The following ASAP2 variants were observed in gnomAD, a reference collection of about 807,000 sequenced individuals.
ASAP2 encodes ArfGAP with SH3 domain, ankyrin repeat and PH domain 2.
Under a neutral mutation model 131.4 loss-of-function variants are expected in ASAP2, and 45 were observed. The ratio of observed to expected loss-of-function variants is 0.34; its 90% CI spans 0.27 to 0.44. The LOEUF (loss-of-function observed/expected upper bound fraction) is 0.44, where lower values mean the gene tolerates loss of function less well. Among genes scored for constraint, ASAP2 ranks in the 20% least tolerant of loss-of-function variants. The pLI, the probability that ASAP2 is intolerant of heterozygous loss-of-function variation, is 1.00. For synonymous variants in ASAP2, 510 were observed against 503.0 expected (o/e 1.01, Z -0.19); for missense variants, 1,011 against 1,297.0 (o/e 0.78, Z 3.39).
At chr2:9,399,692 A>T (rs1676461847) in intron 24 of ASAP2, 1 of 382,982 alleles carries the variant, frequency 2.6e-6, no homozygotes, top group Admixed American at 4.1e-5. Flanking sequence ...ATGTGATGGG[A>T]CCAAGGCAGG....
rs147099687 is a variant in ASAP2, at chr2:9,355,530, T to C, written c.1112-517T>C. Among the ~76,000 whole-genome samples, 1,191 of 152,280 alleles carry C rather than the reference T, an allele frequency of 7.8e-3. 13 individuals are homozygous for C. Among genetic ancestry groups the C allele is most frequent in the African/African-American group, 0.027 (1,111 of 41,550 alleles). ...TAAAACTGTGCTGACACCAGCAGTATGTAAGTGTAGGATTTTATATTCGAC... is the reference window on the plus strand; with the variant it reads ...TAAAACTGTGCTGACACCAGCAGTACGTAAGTGTAGGATTTTATATTCGAC... On this transcript the variant is annotated intron_variant, in intron 12 of 27. Coordinates refer to ENST00000281419, the MANE Select transcript of ASAP2 (RefSeq NM_003887.3).
intron 1 of ASAP2, among the ~76,000 whole-genome samples, chr2:9,229,882 G>A (rs1257959898): frequency 6.6e-6 from 1 of 152,140 alleles, no homozygotes; most frequent in Middle Eastern, 3.2e-3. Context: ...GGCTGTTGGG[G>A]GCATTTGTGG....
intron 2 of ASAP2, among the ~76,000 whole-genome samples, chr2:9,284,389 A>G (rs1343363136): frequency 6.6e-6 from 1 of 152,182 alleles, no homozygotes; most frequent in Non-Finnish European, 1.5e-5. Context: ...TTCTCAGTTA[A>G]TTAGAAGCCC....
At chr2:9,305,555 T>G (rs1668849599) in intron 3 of ASAP2, among the ~76,000 whole-genome samples, 1 of 141,326 alleles carries the variant, frequency 7.1e-6, no homozygotes, top group African/African-American at 2.7e-5. Context: ...GTACAGATAT[T>G]GGTGGAGGGG....
chr2:9,357,105 TA>T lies in ASAP2; in HGVS notation c.1327+762del, dbSNP rs112016986. ...CTTAAAAAACCAAACACAACCAAAA[TA>T]AGAGTGGACAGTTGAGAATTACCTT... On this transcript the variant is annotated intron_variant, in intron 14 of 27. Transcript: ENST00000281419. 6.7e-3 allele frequency among the ~76,000 whole-genome samples: 1,005 copies of T among 150,914 alleles called. 11 individuals carry two copies. Among genetic ancestry groups the T allele is most frequent in the African/African-American group, 0.023 (952 of 41,014 alleles).
Position 9,335,138 on chromosome 2 carries a change from C to T in ASAP2, c.808C>T (p.Arg270Ter). 6.2e-7 allele frequency: 1 copy of T among 1,614,012 alleles called. No individual in the cohort carries two copies. The highest frequency in any genetic ancestry group is 8.5e-7 in the Non-Finnish European group (1 of 1,180,016). ...AGAAAGAAGGCAGTTGATACAGCTT[C>T]GAGATATTTTGAAATCCGCATTGCA... ...DEERRQLIQL[R>*]DILKSALQVE... is the part of the protein sequence containing the mutation. Residue 270 changes from arginine to a stop codon, truncating the protein, a stop_gained, in exon 9 of 28, where the codon CGA becomes TGA. Transcript: ENST00000281419. LOFTEE classifies it high-confidence loss of function.
intron 15 of ASAP2, among the ~76,000 whole-genome samples, chr2:9,364,816 G>A (rs185718950): frequency 3.9e-4 from 60 of 152,236 alleles, no homozygotes; most frequent in African/African-American, 1.4e-3. Flanking sequence ...GGTCATTTAC[G>A]GAGGAACTGT....
chr2:9,224,180 G>A (rs1440048999), intron 1 of ASAP2, among the ~76,000 whole-genome samples: 1 of 152,126 alleles, frequency 6.6e-6, no homozygotes, highest in Non-Finnish European at 1.5e-5. Context: ...TGCGAGGGAA[G>A]GGAGGATTGC....
intron 18 of ASAP2, among the ~76,000 whole-genome samples, chr2:9,378,027 C>T (rs976219952): frequency 6.6e-6 from 1 of 152,132 alleles, no homozygotes; most frequent in East Asian, 1.9e-4. Flanking sequence ...GTCCCAGTTT[C>T]TTTTTTTCCA....
intron 1 of ASAP2, among the ~76,000 whole-genome samples, chr2:9,245,691 G>C (rs1039738072): frequency 6.6e-6 from 1 of 152,180 alleles, no homozygotes; most frequent in African/African-American, 2.4e-5. Flanking sequence ...TGGGCCTGGG[G>C]GCGCTTGCAG....
At position 9,380,989 on chromosome 2, in the gene ASAP2, C is replaced by T. The variant is rs544479606; in HGVS notation, c.2016+181C>T. ...GTATGCTAGGGAGTCTACAGGGAAA[C>T]CTAGGGGGACCCACCCCTCGCAGTG... is the stretch of plus-strand genomic sequence containing the variant. On this transcript the variant is annotated intron_variant, in intron 20 of 27. Transcript: ENST00000281419. Among the ~76,000 whole-genome samples the T allele has an allele frequency of 5.8e-4, 89 of 152,268 alleles. 4 individuals carry two copies. The South Asian group carries it at 0.018, about 31-fold the overall frequency.
In ASAP2 at chr2:9,237,453, C is replaced by T. The variant is rs150343883; in HGVS notation, c.126+30223C>T. The stretch of plus-strand genomic sequence containing the variant: ...TTTTGACAGATTCTTGCTTTGTTGC[C>T]CAGGCTGGGATGCAGTGGCATGATC... On this transcript the variant is annotated intron_variant, in intron 1 of 27. Transcript: ENST00000281419. Among the ~76,000 whole-genome samples, 554 of 149,850 alleles carry T rather than the reference C, an allele frequency of 3.7e-3. 1 individual carries two copies. Among genetic ancestry groups the T allele is most frequent in the Middle Eastern group, 6.8e-3 (2 of 292 alleles).
At position 9,301,820 on chromosome 2, in the gene ASAP2, C is replaced by CTTTTTTTTTTTTTTTT. The variant is rs1177064910; in HGVS notation, c.345+4381_345+4396dup. 1.2e-3 allele frequency among the ~76,000 whole-genome samples: 139 copies of CTTTTTTTTTTTTTTTT among 115,390 alleles called. 10 individuals carry two copies. The highest frequency in any genetic ancestry group is 4.8e-3 in the African/African-American group (135 of 28,400). The allele number at this position is 115,390 out of a possible 152,430, so 75.7% of individuals were successfully genotyped here. A position where few individuals can be genotyped will look rare whatever the true frequency, so the allele number is the denominator to read the frequency against. ...ACCAAGCAACGTGTGTATCCATCAT[C>CTTTTTTTTTTTTTTTT]TTTTTTTTTTTTTTTTTTTTTGAGA... is the stretch of plus-strand genomic sequence containing the variant. On this transcript the variant is annotated intron_variant, in intron 3 of 27. Coordinates refer to ENST00000281419, the MANE Select transcript of ASAP2 (RefSeq NM_003887.3).
At chr2:9,346,081 C>A (rs1671942949) in intron 11 of ASAP2, among the ~76,000 whole-genome samples, 1 of 152,214 alleles carries the variant, frequency 6.6e-6, no homozygotes, top group Admixed American at 6.5e-5. Context: ...CATGTGATCA[C>A]CACCGTACTC....
At chr2:9,271,704 G>A (rs141054152) in intron 1 of ASAP2, 93 of 482,220 alleles carry the variant, frequency 1.9e-4, no homozygotes, top group Non-Finnish European at 3.1e-4. Context: ...GTAGGGAAGC[G>A]ACGGGGCCCA....
intron 1 of ASAP2, among the ~76,000 whole-genome samples, chr2:9,269,215 A>G (rs879769068): frequency 2.0e-5 from 3 of 151,058 alleles, no homozygotes; most frequent in Admixed American, 2.0e-4. Context: ...TTTTTTGGTA[A>G]TGCAGGTCTC....
intron 1 of ASAP2, among the ~76,000 whole-genome samples, chr2:9,221,656 C>T (rs1662427592): frequency 6.6e-6 from 1 of 152,280 alleles, no homozygotes; most frequent in African/African-American, 2.4e-5. Flanking sequence ...TTATGGCCTA[C>T]AATTTGCTGA....
rs1197127204 is a variant in ASAP2 at position 9,356,263 on chromosome 2, C to T, written c.1245C>T (p.Ile415=). Residue 415 remains isoleucine (I), a synonymous_variant, in exon 14 of 28, where the codon ATC becomes ATT. Coordinates refer to ENST00000281419, the MANE Select transcript of ASAP2 (RefSeq NM_003887.3). The stretch of plus-strand genomic sequence containing the variant: ...ATGACAATACTGGAGAAAATAACAT[C>T]GTCCAAGAACTGACAAAGGAGATCA... ...KGDDNTGENN[I]VQELTKEIIS... 2 of 1,614,012 alleles carry T rather than the reference C, an allele frequency of 1.2e-6. No homozygotes were observed. Among genetic ancestry groups the T allele is most frequent in the Non-Finnish European group, 1.7e-6 (2 of 1,179,940 alleles).
chr2:9,394,897 G>T (rs1445035232), intron 24 of ASAP2, among the ~76,000 whole-genome samples: 1 of 152,206 alleles, frequency 6.6e-6, no homozygotes, highest in Non-Finnish European at 1.5e-5. Flanking sequence ...GTTGGCTGGG[G>T]GTTACGGTCA....
Sources: gnomAD v4.1 joint callset for allele counts (sites outside exome capture counted in the v4.1 genomes callset) on GRCh38, gnomAD v4.1.1 for gene constraint, MANE v1.5 for transcripts, NCBI Gene and HGNC (gene_info 2026-07-23, HGNC 2026-07-21) for gene names.